ARIH2: variants seen among roughly 807,000 people sequenced by gnomAD.
ARIH2 encodes ariadne RBR E3 ubiquitin protein ligase 2.
Under a neutral mutation model 79.8 loss-of-function variants are expected in ARIH2, and 12 were observed. The ratio of observed to expected loss-of-function variants is 0.15; its 90% confidence interval spans 0.10 to 0.24. The LOEUF (loss-of-function observed/expected upper bound fraction) is 0.24, where lower values mean the gene tolerates loss of function less well. ARIH2 is among the 10% of genes least tolerant of loss of function. The pLI is 1.00. For synonymous variants in ARIH2, 224 were observed against 213.9 expected, an observed-to-expected ratio of 1.05 and a Z score of -0.41; for missense variants, 301 against 618.3, an observed-to-expected ratio of 0.49 and a Z score of 5.44.
At chr3:48,983,057 T>C in intron 15 of ARIH2, 78 bp downstream of exon 15, 1 of 1,513,220 alleles carries the variant, frequency 6.6e-7, no homozygotes, top group Non-Finnish European at 9.2e-7. Flanking sequence ...CGTTGTTGGC[T>C]TGTGCACTGG....
At chr3:48,926,824 A>T (rs1177819729) in intron 2 of ARIH2, 1 of 152,466 alleles carries the variant, frequency 6.6e-6, no homozygotes, top group Non-Finnish European at 1.5e-5. Flanking sequence ...TGCTGGGATT[A>T]CAGGCATGAG....
intron 13 of ARIH2, 65 bp downstream of exon 13, chr3:48,980,561 G>T: frequency 4.5e-6 from 7 of 1,560,270 alleles, no homozygotes; most frequent in Non-Finnish European, 6.1e-6. Context: ...ACAGACCTCT[G>T]ATAGTGGGAA....
intron 3 of ARIH2, among the ~76,000 whole-genome samples, chr3:48,949,790 A>T (rs1219634755): frequency 2.6e-5 from 4 of 151,602 alleles, no homozygotes; most frequent in African/African-American, 7.3e-5. Flanking sequence ...TGATTTGCAG[A>T]TATTTTCTCC....
intron 3 of ARIH2, among the ~76,000 whole-genome samples, chr3:48,933,160 T>C (rs533890456): frequency 1.3e-5 from 2 of 152,180 alleles, no homozygotes; most frequent in African/African-American, 4.8e-5. Context: ...AACTGCAGCC[T>C]CCAACTCCCA....
chr3:48,965,224 G>A (rs556288738), intron 5 of ARIH2, among the ~76,000 whole-genome samples: 1 of 151,980 alleles, frequency 6.6e-6, no homozygotes, highest in Non-Finnish European at 1.5e-5. Context: ...GCCGGATGTG[G>A]TGGCAGGCAC....
In ARIH2 at chr3:48,974,803, TTC is replaced by T. The variant is rs774623087; in HGVS notation, c.889-12_889-11del. 1.2e-4 allele frequency: 195 copies of T among 1,612,608 alleles called. No homozygotes were observed. Among genetic ancestry groups the T allele is most frequent in the Non-Finnish European group, 1.5e-4 (180 of 1,180,000 alleles). ...GTGGTGTGTGAGCCTAATGGCACCC[TTC>T]TGTCTCCTCAGTGTCCCAAGTGCAA... On this transcript the variant is annotated splice_polypyrimidine_tract_variant and intron_variant, in intron 9 of 15. Coordinates refer to ENST00000356401, the MANE Select transcript of ARIH2 (RefSeq NM_006321.4).
At chr3:48,934,556 T>G in intron 3 of ARIH2, 2 of 985,428 alleles carry the variant, frequency 2.0e-6, no homozygotes, top group Non-Finnish European at 2.4e-6. Flanking sequence ...GTGAGCTGTC[T>G]TTGCATGCCT....
intron 3 of ARIH2, among the ~76,000 whole-genome samples, chr3:48,958,844 G>C (rs565346076): frequency 1.3e-5 from 2 of 152,220 alleles, no homozygotes; most frequent in East Asian, 3.9e-4. Flanking sequence ...GAGAAACCAT[G>C]TCTCTACAAA....
chr3:48,964,305 C>G (rs1377173142), intron 4 of ARIH2, among the ~76,000 whole-genome samples: 1 of 150,134 alleles, frequency 6.7e-6, no homozygotes, highest in Admixed American at 6.7e-5. Context: ...CTGCGCCCAG[C>G]CATATATATA....
intron 2 of ARIH2, among the ~76,000 whole-genome samples, chr3:48,926,366 C>G (rs1484489128): frequency 2.0e-5 from 3 of 150,934 alleles, no homozygotes; most frequent in Non-Finnish European, 4.4e-5. Context: ...CTCCTGGGTT[C>G]AAGCGTTTCT....
intron 3 of ARIH2, chr3:48,934,423 TTTG>T (rs899852975): frequency 4.9e-5 from 48 of 982,478 alleles, no homozygotes; most frequent in African/African-American, 3.3e-4. Context: ...CCAATAATGG[TTTG>T]TTGTTGTTGT....
intron 11 of ARIH2, among the ~76,000 whole-genome samples, chr3:48,976,410 C>T (rs541927346): frequency 2.6e-5 from 4 of 151,970 alleles, no homozygotes; most frequent in African/African-American, 9.7e-5. Context: ...GCGGTTTCAC[C>T]ATGTTGGCCA....
intron 11 of ARIH2, among the ~76,000 whole-genome samples, chr3:48,978,736 A>G (rs1467239792): frequency 2.0e-5 from 3 of 151,718 alleles, no homozygotes; most frequent in Non-Finnish European, 4.4e-5. Flanking sequence ...GAGATGGGCG[A>G]ATCACTGAAC....
At chr3:48,965,491 C>T (rs1048934562) in intron 5 of ARIH2, among the ~76,000 whole-genome samples, 1 of 152,166 alleles carries the variant, frequency 6.6e-6, no homozygotes. Context: ...CATTGCCTGT[C>T]CTTGGGCCCT....
rs557900901 is a variant in ARIH2, at chr3:48,932,126, A to G, written c.255+4313A>G. Among the ~76,000 whole-genome samples the G allele has an allele frequency of 5.3e-5, 8 of 152,344 alleles. 1 individual carries two copies. The South Asian group carries it at 1.7e-3, about 32-fold the overall frequency. On this transcript the variant is annotated intron_variant, in intron 3 of 15. Transcript: ENST00000356401. ...CTGGGACCAGTCTATGAGTAAAGTC[A>G]TTATTGAGAGAGGAAGGTGCCCAGA...
At chr3:48,968,396 A>C (rs1390789077) in intron 6 of ARIH2, 138 bp from the exon 7 acceptor site, 7 of 721,270 alleles carry the variant, frequency 9.7e-6, no homozygotes, top group Non-Finnish European at 1.4e-5. Flanking sequence ...TTTAGTAGAG[A>C]CTGGGTTTCT....
At chr3:48,979,202 C>T (rs1576555303) in intron 11 of ARIH2, among the ~76,000 whole-genome samples, 1 of 152,144 alleles carries the variant, frequency 6.6e-6, no homozygotes, top group African/African-American at 2.4e-5. Context: ...TCTGTATGGT[C>T]AGCATCTGCC....
In ARIH2 at chr3:48,967,701, G is replaced by A. The variant is rs552438652; in HGVS notation, c.538+426G>A. On this transcript the variant is annotated intron_variant, in intron 6 of 15. Transcript: ENST00000356401. ...GATGATACTGAAACACATTAGCATCGCATTAATTGATATCTGCAAAGTCCC... is the reference window on the plus strand; with the variant it reads ...GATGATACTGAAACACATTAGCATCACATTAATTGATATCTGCAAAGTCCC... 3.0e-4 allele frequency among the ~76,000 whole-genome samples: 45 copies of A among 152,244 alleles called. 1 individual carries two copies. Among genetic ancestry groups the A allele is most frequent in the African/African-American group, 1.0e-3 (42 of 41,538 alleles).
In ARIH2 at chr3:48,983,340, T is replaced by C; in HGVS notation, c.*70T>C. On this transcript the variant is annotated 3_prime_UTR_variant, in exon 16 of 16. Coordinates refer to ENST00000356401, the MANE Select transcript of ARIH2 (RefSeq NM_006321.4). ...GTCTCCCGGCTGCCATACTGCATGC[T>C]GCAGGCTCTGCCTTTCATGACCCCA... 1 of 1,510,996 alleles carries C rather than the reference T, an allele frequency of 6.6e-7. No homozygotes were observed. The highest frequency in any genetic ancestry group is 2.3e-5 in the East Asian group (1 of 44,386). The allele number at this position is 1,510,996 out of a possible 1,614,324, so 93.6% of individuals were successfully genotyped here.
Sources: gnomAD v4.1 joint callset for allele counts (sites outside exome capture counted in the v4.1 genomes callset) on GRCh38, gnomAD v4.1.1 for gene constraint, MANE v1.5 for transcripts, NCBI Gene and HGNC (gene_info 2026-07-23, HGNC 2026-07-21) for gene names.